The following NEDD9 variants were observed in gnomAD, a reference collection of about 807,000 sequenced individuals.
NEDD9 encodes neural precursor cell expressed, developmentally down-regulated 9.
Under a neutral mutation model 76.6 loss-of-function variants are expected in NEDD9, and 26 were observed. The observed-to-expected ratio is 0.34, with a 90% CI of 0.25 to 0.47. The LOEUF (loss-of-function observed/expected upper bound fraction) is 0.47, where lower values mean the gene tolerates loss of function less well. Ranked by LOEUF, NEDD9 falls within the 20% of genes least tolerant of loss-of-function variation. NEDD9 has a pLI of 1.00. For synonymous variants in NEDD9, 392 were observed against 414.2 expected, an observed-to-expected ratio of 0.95 and a Z score of 0.65; for missense variants, 937 against 1,058.5, an observed-to-expected ratio of 0.89 and a Z score of 1.59.
rs748933558 is a variant in NEDD9 at position 11,185,455 on chromosome 6, G to A, written c.2212C>T (p.Pro738Ser). The part of the protein sequence containing the change: ...ALFSCVSSAQ[P>S]PRIFVAHSKF... ...CTGTGTGCCACGAAGATTCGCGGGG[G>A]CTGGGCTGAGCTGACACAACTGAAG... The change falls in exon 7 of 7, where the codon CCC becomes TCC. Residue 738 changes from proline (P) to serine (S), a missense_variant. By Grantham distance (74) the Pro-to-Ser change is moderately conservative. Transcript: ENST00000379446. The A allele has an allele frequency of 3.7e-6, 6 of 1,614,228 alleles. No individual in the cohort carries two copies. Among genetic ancestry groups the A allele is most frequent in the Non-Finnish European group, 5.1e-6 (6 of 1,180,032 alleles).
chr6:11,217,407 C>A (rs569581502), intron 1 of NEDD9, among the ~76,000 whole-genome samples: 8 of 152,298 alleles, frequency 5.3e-5, no homozygotes, highest in East Asian at 1.9e-4. Context: ...TGCCCACTCA[C>A]CCCCTTGGAT....
chr6:11,249,970 G>A (rs1208761869), intron 3 of NEDD9, among the ~76,000 whole-genome samples: 2 of 152,188 alleles, frequency 1.3e-5, no homozygotes, highest in East Asian at 1.9e-4. Context: ...GTCCTTTCCA[G>A]CTTTCTCCAG....
In NEDD9 at chr6:11,185,588, T is replaced by C. The variant is rs1326926254; in HGVS notation, c.2079A>G (p.Leu693=). Residue 693 remains leucine (L), a synonymous_variant, in exon 7 of 7, where the codon CTA becomes CTG. Coordinates refer to ENST00000379446, the MANE Select transcript of NEDD9 (RefSeq NM_006403.4). ...DISKWKPSQS[L]PTTNSGVSAQ... The stretch of plus-strand genomic sequence containing the variant: ...CACTCACGCCACTGTTTGTGGTGGG[T>C]AGGCTCTGAGAGGGCTTCCACTTCG... 7 of 1,614,174 alleles carry C rather than the reference T, an allele frequency of 4.3e-6. No homozygotes were observed. The highest frequency in any genetic ancestry group is 5.9e-6 in the Non-Finnish European group (7 of 1,180,024).
At chr6:11,306,338 T>C (rs1381614100) in intron 2 of NEDD9, among the ~76,000 whole-genome samples, 1 of 152,260 alleles carries the variant, frequency 6.6e-6, no homozygotes, top group East Asian at 1.9e-4. Flanking sequence ...TACTATGCTT[T>C]AGTTGGAACT....
At chr6:11,313,763 G>C (rs771794945) in intron 2 of NEDD9, among the ~76,000 whole-genome samples, 5 of 152,174 alleles carry the variant, frequency 3.3e-5, no homozygotes, top group Admixed American at 6.5e-5. Flanking sequence ...GAGTAAACAA[G>C]CTCATTTTTT....
chr6:11,266,347 G>A (rs972555375), intron 3 of NEDD9, among the ~76,000 whole-genome samples: 1 of 152,002 alleles, frequency 6.6e-6, no homozygotes, highest in African/African-American at 2.4e-5. Flanking sequence ...TAGTGCTATT[G>A]GCATCTAGTA....
Position 11,213,293 on chromosome 6 carries a change from G to C in NEDD9, c.447C>G (p.His149Gln), listed in dbSNP as rs1038856758. 1 of 1,603,758 alleles carries C rather than the reference G, an allele frequency of 6.2e-7. No homozygotes were observed. The highest frequency in any genetic ancestry group is 8.5e-7 in the Non-Finnish European group (1 of 1,172,342). The part of the protein sequence containing the change: ...QRSIGGTSGP[H>Q]VGKKVITPVR... ...GTCATTTACTCACCTTTTTACCCAC[G>C]TGGGGCCCACTGGTTCCCCCAATGC... The change falls in exon 2 of 7, where the codon CAC becomes CAG. Residue 149 changes from histidine (H) to glutamine (Q), a missense_variant. Coordinates refer to ENST00000379446, the MANE Select transcript of NEDD9 (RefSeq NM_006403.4). The surrounding 1 kb of genome is among the most constrained non-coding windows in gnomAD (Gnocchi z 5.4).
In NEDD9 at chr6:11,191,130, T is replaced by C. The variant is rs201994291; in HGVS notation, c.739A>G (p.Met247Val). ...REKDYDFPPP[M>V]RQAGRPDLRP... ...AGGTCCGGCCTTCCAGCTTGTCTCA[T>C]GGGAGGGGGGAAGTCATAGTCTTTT... Residue 247 changes from methionine to valine, a missense_variant, in exon 5 of 7, where the codon ATG (methionine) becomes GTG (valine). Physicochemically the swap from Met to Val is conservative, Grantham distance 21. Coordinates refer to ENST00000379446, the MANE Select transcript of NEDD9 (RefSeq NM_006403.4). 13 of 1,613,960 alleles carry C rather than the reference T, an allele frequency of 8.1e-6. No homozygotes were observed. Among genetic ancestry groups the C allele is most frequent in the Non-Finnish European group, 1.0e-5 (12 of 1,180,000 alleles).
chr6:11,231,959 T>G (rs775255774), intron 1 of NEDD9, among the ~76,000 whole-genome samples: 1 of 152,198 alleles, frequency 6.6e-6, no homozygotes, highest in Non-Finnish European at 1.5e-5. Context: ...CATAAGGATG[T>G]CAAAATTTTC....
At chr6:11,354,015 G>A (rs1193729393) in intron 1 of NEDD9, among the ~76,000 whole-genome samples, 1 of 152,112 alleles carries the variant, frequency 6.6e-6, no homozygotes, top group Non-Finnish European at 1.5e-5. Context: ...CAAGGGATAA[G>A]GTTTACAGAC....
At chr6:11,296,296 C>G (rs1261986814) in intron 3 of NEDD9, among the ~76,000 whole-genome samples, 1 of 152,098 alleles carries the variant, frequency 6.6e-6, no homozygotes, top group African/African-American at 2.4e-5. Flanking sequence ...TTTAGAGGTT[C>G]TTCGTTTTGA....
At chr6:11,357,509 A>G (rs1159744564) in intron 1 of NEDD9, among the ~76,000 whole-genome samples, 1 of 152,194 alleles carries the variant, frequency 6.6e-6, no homozygotes, top group African/African-American at 2.4e-5. Context: ...ATTAACCTCT[A>G]AATAGGGAGC....
At chr6:11,353,887 TA>T (rs1269249816) in intron 1 of NEDD9, among the ~76,000 whole-genome samples, 2 of 152,066 alleles carry the variant, frequency 1.3e-5, no homozygotes, top group Non-Finnish European at 2.9e-5. Flanking sequence ...AAACAACTTG[TA>T]AAAGTTGAAA....
At position 11,252,617 on chromosome 6, in the gene NEDD9, A is replaced by G. The variant is rs963183192; in HGVS notation, c.13-38890T>C. Among the ~76,000 whole-genome samples the G allele has an allele frequency of 1.3e-5, 2 of 152,232 alleles. No homozygotes were observed. The highest frequency in any genetic ancestry group is 1.9e-4 in the East Asian group (1 of 5,200). ...GACATCTTAGGTCCATGTCACTTAC[A>G]CTATTTAGTTATATAGAGCCTTCTG... On this transcript the variant is annotated intron_variant, in intron 3 of 3. Transcript: ENST00000397378. This position sits in a 1 kb window ranked among gnomAD's most constrained non-coding sequence, Gnocchi z 4.3.
chr6:11,275,499 A>C lies in NEDD9; in HGVS notation c.12+30493T>G, dbSNP rs1169947416. On this transcript the variant is annotated intron_variant, in intron 3 of 3. Coordinates refer to the NEDD9 transcript ENST00000397378. The stretch of plus-strand genomic sequence containing the variant: ...AAACATTCAAAAGATCATGCTGTAC[A>C]TCATAAAATATACGCATTTCTTATT... Among the ~76,000 whole-genome samples, 13 of 152,196 alleles carry C rather than the reference A, an allele frequency of 8.5e-5. No individual in the cohort carries two copies. The East Asian group carries it at 2.1e-3, about 25-fold the overall frequency.
At chr6:11,310,994 A>T (rs969895569) in intron 2 of NEDD9, among the ~76,000 whole-genome samples, 3 of 152,134 alleles carry the variant, frequency 2.0e-5, no homozygotes, top group African/African-American at 7.2e-5. Context: ...GTCACCTGCC[A>T]CTGAATGCCA....
At chr6:11,353,465 G>A (rs569145753) in intron 1 of NEDD9, among the ~76,000 whole-genome samples, 41 of 152,360 alleles carry the variant, frequency 2.7e-4, no homozygotes, top group Non-Finnish European at 5.3e-4. Context: ...AATGCCCGGG[G>A]CTGCTGGAAG....
chr6:11,297,537 G>A (rs1190944741), intron 3 of NEDD9, among the ~76,000 whole-genome samples: 1 of 152,188 alleles, frequency 6.6e-6, no homozygotes, highest in Non-Finnish European at 1.5e-5. Flanking sequence ...AAGTTCAGGT[G>A]AGTGACCAAG....
intron 2 of NEDD9, among the ~76,000 whole-genome samples, chr6:11,330,412 A>C (rs181181458): frequency 1.1e-4 from 17 of 152,208 alleles, no homozygotes; most frequent in African/African-American, 3.4e-4. Flanking sequence ...TAAGAGGCCT[A>C]GGGTAAAAAA....
Sources: allele counts gnomAD v4.1 joint callset (sites outside exome capture counted in the v4.1 genomes callset), GRCh38; gene constraint gnomAD v4.1.1; non-coding constraint Gnocchi (gnomAD v3.1); transcripts MANE v1.5; gene names NCBI Gene and HGNC (gene_info 2026-07-23, HGNC 2026-07-21).